ZNF862: variants seen among roughly 807,000 people sequenced by gnomAD.
ZNF862 encodes zinc finger protein 862.
ZNF862 carries 64 observed loss-of-function variants against 91.1 expected under a neutral mutation model. The observed-to-expected ratio is 0.70, with a 90% CI of 0.57 to 0.87. ZNF862 has a LOEUF of 0.87. ZNF862 is among the 40% of genes least tolerant of loss of function. The pLI is 0.00. For missense variants in ZNF862, 1,459 were observed against 1,528.0 expected (o/e 0.95, Z 0.75); for synonymous variants, 631 against 618.1 (o/e 1.02, Z -0.31).
chr7:149,838,682 C>T (rs1404678840), intron 1 of ZNF862, 47 bp downstream of exon 1: 1 of 1,180,914 alleles, frequency 8.5e-7, no homozygotes, highest in Admixed American at 4.2e-5. Flanking sequence ...CCGAGGATCC[C>T]CGAGCCGGGC....
chr7:149,851,137 G>A (rs560118212), intron 5 of ZNF862, among the ~76,000 whole-genome samples: 2 of 152,172 alleles, frequency 1.3e-5, no homozygotes, highest in Non-Finnish European at 2.9e-5. Flanking sequence ...TCACTCTGTC[G>A]CCCAAGCTGG....
chr7:149,850,026 A>C lies in ZNF862; in HGVS notation c.940-135A>C. ...TTGATTCTTTGACTTTCAGTGGATA[A>C]ATTAATTCCTCTGAGTGCATCTGGG... On this transcript the variant is annotated intron_variant, in intron 4 of 7. Coordinates refer to ENST00000223210, the MANE Select transcript of ZNF862 (RefSeq NM_001099220.3). This position sits in a 1 kb window ranked among gnomAD's most constrained non-coding sequence, Gnocchi z 4.2. 3 of 876,570 alleles carry C rather than the reference A, an allele frequency of 3.4e-6. No individual in the cohort carries two copies. The highest frequency in any genetic ancestry group is 5.3e-6 in the Non-Finnish European group (3 of 570,016). 54.3% of individuals were successfully genotyped at this position (876,570 alleles called of 1,614,324 possible).
At chr7:149,862,825 G>A (rs1447326562) in intron 7 of ZNF862, among the ~76,000 whole-genome samples, 2 of 152,190 alleles carry the variant, frequency 1.3e-5, no homozygotes, top group African/African-American at 4.8e-5. Flanking sequence ...CTCATCTGCC[G>A]AATGAGTTGT....
rs1420379744 is a variant in ZNF862, at chr7:149,861,277, G to T, written c.2117G>T (p.Gly706Val). The T allele has an allele frequency of 6.2e-7, 1 of 1,612,438 alleles. No individual in the cohort carries two copies. The highest frequency in any genetic ancestry group is 1.1e-5 in the South Asian group (1 of 90,992). ...GGCTCAGCCATGTTGAGCTGCAGAG[G>T]AGGCCTTGTGGAAAAGTTCCAGGAG... is the stretch of plus-strand genomic sequence containing the variant. ...TDGSAMLSCRGGLVEKFQEVI... is the reference protein window; with the variant it reads ...TDGSAMLSCRVGLVEKFQEVI... The change falls in exon 7 of 8, where the codon GGA becomes GTA. Residue 706 changes from glycine to valine, a missense_variant. Coordinates refer to ENST00000223210, the MANE Select transcript of ZNF862 (RefSeq NM_001099220.3). This position sits in a 1 kb window ranked among gnomAD's most constrained non-coding sequence, Gnocchi z 6.7.
At chr7:149,838,776 C>T (rs1053653070) in intron 1 of ZNF862, 141 bp downstream of exon 1, 11 of 541,020 alleles carry the variant, frequency 2.0e-5, no homozygotes, top group Admixed American at 4.4e-5. Flanking sequence ...GCCCTCTCTT[C>T]CCGCACTTCG....
At chr7:149,854,591 T>G (rs1411571560) in intron 5 of ZNF862, among the ~76,000 whole-genome samples, 2 of 152,332 alleles carry the variant, frequency 1.3e-5, no homozygotes, top group South Asian at 2.1e-4. Context: ...GGAGTCCAGG[T>G]GGGCCTGATC....
At position 149,864,161 on chromosome 7, in the gene ZNF862, G is replaced by A; in HGVS notation, c.3387G>A (p.Arg1129=). ...GAGCCCTCTATGTGGAGGAGCCCAG[G>A]ACCCAGAAGCCACCCATCCTGCCCT... ...EMGALYVEEP[R]TQKPPILPSR... Residue 1129 remains arginine (R), a synonymous_variant, in exon 8 of 8, where the codon AGG becomes AGA. Coordinates refer to ENST00000223210, the MANE Select transcript of ZNF862 (RefSeq NM_001099220.3). 6.3e-7 allele frequency: 1 copy of A among 1,595,338 alleles called. No homozygotes were observed. The highest frequency in any genetic ancestry group is 8.5e-7 in the Non-Finnish European group (1 of 1,171,240).
chr7:149,847,633 GCT>G, intron 3 of ZNF862, 100 bp from the exon 4 acceptor site: 1 of 572,744 alleles, frequency 1.7e-6, no homozygotes, highest in Non-Finnish European at 3.0e-6. Flanking sequence ...GTGTGTGTGT[GCT>G]TTCCGTCTTT....
rs1441662688 is a variant in ZNF862 at position 149,864,293 on chromosome 7, G to A, written c.*9G>A. ...CCCCCGGGATGTCCTGAGGGACAGGGAGTCCTTGGGACTGCCTTGGAGACG... is the reference window on the plus strand; with the variant it reads ...CCCCCGGGATGTCCTGAGGGACAGGAAGTCCTTGGGACTGCCTTGGAGACG... On this transcript the variant is annotated 3_prime_UTR_variant, in exon 8 of 8. Transcript: ENST00000223210. 6.3e-7 allele frequency: 1 copy of A among 1,590,840 alleles called. No homozygotes were observed. Among genetic ancestry groups the A allele is most frequent in the Admixed American group, 1.8e-5 (1 of 56,932 alleles).
rs115743062 is a variant in ZNF862, at chr7:149,860,254, A to G, written c.1223-129A>G. The G allele has an allele frequency of 2.4e-3, 1,963 of 813,654 alleles. 32 individuals carry two copies. In the African/African-American group the frequency reaches 0.031, roughly 13 times the overall value. 50.4% of individuals were successfully genotyped at this position (813,654 alleles called of 1,614,324 possible). On this transcript the variant is annotated intron_variant, in intron 6 of 7. Coordinates refer to ENST00000223210, the MANE Select transcript of ZNF862 (RefSeq NM_001099220.3). ...TTTAAGTGGACGCCACTTTCTCTAG[A>G]AAGAAGGATTGCATTCATCTTCTCT...
At position 149,841,128 on chromosome 7, in the gene ZNF862, A is replaced by G. The variant is rs79886296; in HGVS notation, c.24+2493A>G. 4.9e-3 allele frequency: 4,827 copies of G among 985,456 alleles called. 183 individuals carry two copies. In the African/African-American group the frequency reaches 0.077, roughly 16 times the overall value. The allele number at this position is 985,456 out of a possible 1,614,324, so 61.0% of individuals were successfully genotyped here. On this transcript the variant is annotated intron_variant, in intron 1 of 7. Coordinates refer to ENST00000223210, the MANE Select transcript of ZNF862 (RefSeq NM_001099220.3). ...AATGAAATAAAGTAATTACAAAACCAACTGTCAGTGTAAGATGTGTTGCAA... is the reference window on the plus strand; with the variant it reads ...AATGAAATAAAGTAATTACAAAACCGACTGTCAGTGTAAGATGTGTTGCAA...
Position 149,855,282 on chromosome 7 carries a change from T to C in ZNF862, c.1118-4140T>C, listed in dbSNP as rs1802220189. Among the ~76,000 whole-genome samples, 1 of 152,194 alleles carries C rather than the reference T, an allele frequency of 6.6e-6. No individual in the cohort carries two copies. The highest frequency in any genetic ancestry group is 1.5e-5 in the Non-Finnish European group (1 of 68,038). ...GTAAATTTGAAATTATATCAGAGAT[T>C]TACCAAAAGGAAAATGTAGGAAACA... On this transcript the variant is annotated intron_variant, in intron 5 of 7. Coordinates refer to ENST00000223210, the MANE Select transcript of ZNF862 (RefSeq NM_001099220.3). The surrounding 1 kb of genome is among the most constrained non-coding windows in gnomAD (Gnocchi z 4.1).
intron 1 of ZNF862, chr7:149,841,315 G>A (rs757495946): frequency 6.7e-5 from 66 of 985,172 alleles, no homozygotes; most frequent in Non-Finnish European, 8.0e-5. Flanking sequence ...AGCCATCTTG[G>A]GCCATTGGAT....
In ZNF862 at chr7:149,862,406, C is replaced by G; in HGVS notation, c.3246C>G (p.Pro1082=). The G allele has an allele frequency of 6.2e-7, 1 of 1,612,538 alleles. No homozygotes were observed. The highest frequency in any genetic ancestry group is 8.5e-7 in the Non-Finnish European group (1 of 1,179,658). ...CCGTCACGGAGTACGACCCCCAGCC[C>G]GCCATCCAGCACTGGTACCTGACCT... is the stretch of plus-strand genomic sequence containing the variant. The part of the protein sequence containing the change: ...GVAVTEYDPQ[P]AIQHWYLTSS... The change falls in exon 7 of 8, where the codon CCC becomes CCG. Residue 1082 remains proline (P), a synonymous_variant. Coordinates refer to ENST00000223210, the MANE Select transcript of ZNF862 (RefSeq NM_001099220.3).
chr7:149,844,510 A>G lies in ZNF862; in HGVS notation c.25-115A>G, dbSNP rs1032908108. 1.7e-5 allele frequency: 11 copies of G among 659,768 alleles called. No homozygotes were observed. In the Admixed American group the frequency reaches 2.0e-4, roughly 12 times the overall value. 40.9% of individuals were successfully genotyped at this position (659,768 alleles called of 1,614,324 possible). A position where few individuals can be genotyped will look rare whatever the true frequency, so the allele number is the denominator to read the frequency against. ...GGGAGAGATGGGGTGTGGGCCATGC[A>G]TGTAAATTGACAACACCCCTCCCCG... On this transcript the variant is annotated intron_variant, in intron 1 of 7. Coordinates refer to ENST00000223210, the MANE Select transcript of ZNF862 (RefSeq NM_001099220.3).
intron 4 of ZNF862, 23 bp downstream of exon 4, chr7:149,848,455 T>C: frequency 6.8e-7 from 1 of 1,463,540 alleles, no homozygotes; most frequent in Non-Finnish European, 9.1e-7. Flanking sequence ...TAATGATTGC[T>C]GTATCTTACA....
rs1175734716 is a variant in ZNF862, at chr7:149,855,889, G to A, written c.1118-3533G>A. On this transcript the variant is annotated intron_variant, in intron 5 of 7. Coordinates refer to ENST00000223210, the MANE Select transcript of ZNF862 (RefSeq NM_001099220.3). The surrounding 1 kb of genome is among the most constrained non-coding windows in gnomAD (Gnocchi z 4.1). ...TCCAAGGCACCCCATGGCTACCTTA[G>A]TCTTATCCAAGGCTGGACTCGTGGC... The A allele has an allele frequency of 3.3e-5, 5 of 152,312 alleles. No individual in the cohort carries two copies. The highest frequency in any genetic ancestry group is 1.2e-4 in the African/African-American group (5 of 41,450). The allele number at this position is 152,312 out of a possible 1,614,324, so 9.4% of individuals were successfully genotyped here. A position where few individuals can be genotyped will look rare whatever the true frequency, so the allele number is the denominator to read the frequency against.
At chr7:149,840,217 A>AAAAAAAAAAAAAAAAG (rs1801657540) in intron 1 of ZNF862, among the ~76,000 whole-genome samples, 1 of 140,590 alleles carries the variant, frequency 7.1e-6, no homozygotes, top group Non-Finnish European at 1.6e-5. Context: ...AAAAAAAAAA[A>AAAAAAAAAAAAAAAAG]AATTTAAAAA....
chr7:149,846,171 G>T lies in ZNF862; in HGVS notation c.157G>T (p.Glu53Ter), dbSNP rs1165012618. ...CTCAGGACCAACTGTTGCCAATCCT[G>T]AGCTGTTCCGCAAGTTCGGACGAGG... ...APLGPTVANP[E>*]LFRKFGRGPE... The change falls in exon 3 of 8, where the codon GAG becomes TAG. Residue 53 changes from glutamate to a stop codon, truncating the protein, a stop_gained. Transcript: ENST00000223210. LOFTEE classifies it high-confidence loss of function. 1 of 1,612,028 alleles carries T rather than the reference G, an allele frequency of 6.2e-7. No individual in the cohort carries two copies. Among genetic ancestry groups the T allele is most frequent in the Non-Finnish European group, 8.5e-7 (1 of 1,179,580 alleles).
Sources: gnomAD v4.1 joint callset for allele counts (sites outside exome capture counted in the v4.1 genomes callset) on GRCh38, gnomAD v4.1.1 for gene constraint, Gnocchi (gnomAD v3.1) non-coding constraint, MANE v1.5 for transcripts, NCBI Gene and HGNC (gene_info 2026-07-23, HGNC 2026-07-21) for gene names.